OLFM1: variants seen among roughly 807,000 people sequenced by gnomAD.
OLFM1 encodes noelin.
Under a neutral mutation model 49.7 loss-of-function variants are expected in OLFM1, and 9 were observed. The observed-to-expected ratio is 0.18, with a 90% CI of 0.11 to 0.32. The LOEUF (loss-of-function observed/expected upper bound fraction) is 0.32. Ranked by LOEUF, OLFM1 falls within the 10% of genes least tolerant of loss-of-function variation. The probability of loss-of-function intolerance (pLI) is 1.00; values close to 1 mark genes in which losing one functional copy is unlikely to be tolerated. For synonymous variants in OLFM1, 240 were observed against 271.8 expected (o/e 0.88, Z 1.15); for missense variants, 369 against 661.8 (o/e 0.56, Z 4.85).
chr9:135,082,842 C>T (rs562943897), upstream of OLFM1, among the ~76,000 whole-genome samples: 13 of 152,248 alleles, frequency 8.5e-5, no homozygotes, highest in Non-Finnish European at 1.9e-4. Flanking sequence ...AGAACGTTTC[C>T]GAGGCCAAGT....
intron 2 of OLFM1, among the ~76,000 whole-genome samples, chr9:135,090,692 CA>C (rs1830673944): frequency 6.6e-6 from 1 of 152,088 alleles, no homozygotes. Context: ...AGACGGGACA[CA>C]AGGCTCGTCT....
Position 135,119,877 on chromosome 9 carries a change from C to T in OLFM1, c.1157C>T (p.Ser386Phe). Residue 386 changes from serine (S) to phenylalanine (F), a missense_variant, in exon 6 of 6, where the codon TCC (serine) becomes TTC (phenylalanine). Ser to Phe is a radical substitution (Grantham distance 155, BLOSUM62 -2). Around this residue, in one of 3 missense-constraint regions of OLFM1, gnomAD observed 294 missense variants for 567.5 expected, o/e 0.52. Transcript: ENST00000371793. Reference sequence around the variant, plus strand: ...GTGGTCAGTAGGCTGGACCCCGTGTCCCTGCAGACCCTGCAGACCTGGAAC... The same window carrying T: ...GTGGTCAGTAGGCTGGACCCCGTGTTCCTGCAGACCCTGCAGACCTGGAAC... ...NIVVSRLDPV[S>F]LQTLQTWNTS... 6.2e-7 allele frequency: 1 copy of T among 1,613,526 alleles called. No individual in the cohort carries two copies. The highest frequency in any genetic ancestry group is 8.5e-7 in the Non-Finnish European group (1 of 1,180,034).
intron 4 of OLFM1, among the ~76,000 whole-genome samples, chr9:135,101,850 G>T (rs866812777): frequency 6.6e-6 from 1 of 152,220 alleles, no homozygotes. Flanking sequence ...GGCCTCCGTG[G>T]TCCTCTCTAT....
At chr9:135,095,819 G>A in intron 2 of OLFM1, 45 bp from the exon 3 acceptor site, 1 of 1,603,144 alleles carries the variant, frequency 6.2e-7, no homozygotes, top group Non-Finnish European at 8.5e-7. Context: ...AGATTGCCTG[G>A]CACCTACTGC....
intron 2 of OLFM1, among the ~76,000 whole-genome samples, chr9:135,091,238 C>G (rs940746104): frequency 1.4e-4 from 21 of 152,224 alleles, no homozygotes; most frequent in Non-Finnish European, 2.9e-5. Context: ...CCAAGGACCC[C>G]GTATTCTGTG....
intron 4 of OLFM1, chr9:135,106,538 G>C (rs1830946032): frequency 1.7e-6 from 1 of 571,942 alleles, no homozygotes; most frequent in Non-Finnish European, 3.1e-6. Context: ...GGCCACAGCT[G>C]CTCTGTTTTG....
At chr9:135,103,638 C>T (rs61287342) in intron 4 of OLFM1, among the ~76,000 whole-genome samples, 2,031 of 152,292 alleles carry the variant, frequency 0.013, 38 homozygotes, top group African/African-American at 0.046. Flanking sequence ...GGGGCAGAGC[C>T]GCCCTCTGGA....
intron 4 of OLFM1, among the ~76,000 whole-genome samples, chr9:135,104,956 T>G (rs1830920745): frequency 1.3e-5 from 2 of 152,268 alleles, no homozygotes; most frequent in South Asian, 4.1e-4. Flanking sequence ...CACATCTTCT[T>G]ACTTCTCGTC....
At chr9:135,108,493 C>T (rs1038279142) in intron 5 of OLFM1, among the ~76,000 whole-genome samples, 2 of 151,944 alleles carry the variant, frequency 1.3e-5, no homozygotes, top group African/African-American at 2.4e-5. Context: ...ATTAGCCAGG[C>T]GTGGTGGCGT....
At position 135,098,230 on chromosome 9, in the gene OLFM1, A is replaced by G; in HGVS notation, c.457-56A>G. 2.5e-6 allele frequency: 4 copies of G among 1,585,206 alleles called. No homozygotes were observed. The African/African-American group carries it at 5.4e-5, about 21-fold the overall frequency. The stretch of plus-strand genomic sequence containing the variant: ...ACCTAGGGAGAAGCCAGGCCAAGGC[A>G]GGGTGTGAGAGTTCTTGCATGCATC... On this transcript the variant is annotated intron_variant, in intron 3 of 5. Transcript: ENST00000371793. The surrounding 1 kb of genome is among the most constrained non-coding windows in gnomAD (Gnocchi z 5.6).
upstream of OLFM1, among the ~76,000 whole-genome samples, chr9:135,082,758 C>T (rs1363829697): frequency 6.6e-6 from 1 of 152,096 alleles, no homozygotes; most frequent in Non-Finnish European, 1.5e-5. Flanking sequence ...GTGCTTTGTT[C>T]CATCAGCAAT....
In OLFM1 at chr9:135,088,891, G is replaced by C. The variant is rs1027772092; in HGVS notation, c.150+752G>C. 2.6e-5 allele frequency among the ~76,000 whole-genome samples: 4 copies of C among 152,220 alleles called. No homozygotes were observed. The highest frequency in any genetic ancestry group is 9.6e-5 in the African/African-American group (4 of 41,462). On this transcript the variant is annotated intron_variant, in intron 1 of 5. Coordinates refer to ENST00000371793, the MANE Select transcript of OLFM1 (RefSeq NM_001282611.2). The surrounding 1 kb of genome is among the most constrained non-coding windows in gnomAD (Gnocchi z 4.8). The stretch of plus-strand genomic sequence containing the variant: ...TCTCCCTCTCGAGCCTAGCGGGAGG[G>C]GAACCGTGGCCGGGGCTGCTTCTGG...
chr9:135,078,394 C>T (rs929633320), intron 1 of OLFM1, among the ~76,000 whole-genome samples: 1 of 152,184 alleles, frequency 6.6e-6, no homozygotes, highest in Non-Finnish European at 1.5e-5. Flanking sequence ...AGAAATGCTG[C>T]CTGGAGGATT....
intron 5 of OLFM1, among the ~76,000 whole-genome samples, chr9:135,114,063 AG>A (rs1054122320): frequency 6.7e-6 from 1 of 150,294 alleles, no homozygotes; most frequent in Non-Finnish European, 1.5e-5. Flanking sequence ...GTCTCTTATA[AG>A]GACACTTGTC....
At chr9:135,102,674 A>G (rs1038551274) in intron 4 of OLFM1, among the ~76,000 whole-genome samples, 1 of 152,104 alleles carries the variant, frequency 6.6e-6, no homozygotes, top group African/African-American at 2.4e-5. Context: ...AGCTTCTTTC[A>G]TCTGCATTTT....
chr9:135,075,915 T>G, intron 1 of OLFM1: 2 of 1,164,480 alleles, frequency 1.7e-6, no homozygotes, highest in East Asian at 7.2e-5. Flanking sequence ...GCCCCCGGCC[T>G]GGGCGCCCGA....
At chr9:135,103,604 C>T (rs1830899251) in intron 4 of OLFM1, among the ~76,000 whole-genome samples, 1 of 152,204 alleles carries the variant, frequency 6.6e-6, no homozygotes, top group Non-Finnish European at 1.5e-5. Context: ...AGAGGGAGCC[C>T]TTGGCCCACG....
intron 5 of OLFM1, among the ~76,000 whole-genome samples, chr9:135,109,484 G>A (rs2119133904): frequency 6.6e-6 from 1 of 152,204 alleles, no homozygotes; most frequent in South Asian, 2.1e-4. Context: ...CAAGGGGGTG[G>A]GGGAGATGGG....
chr9:135,091,753 A>G (rs368934828), intron 2 of OLFM1, among the ~76,000 whole-genome samples: 1 of 150,236 alleles, frequency 6.7e-6, no homozygotes, highest in Admixed American at 6.6e-5. Context: ...ACACATAGTC[A>G]CACACACTCA....
Sources: allele counts gnomAD v4.1 joint callset (sites outside exome capture counted in the v4.1 genomes callset), GRCh38; gene constraint gnomAD v4.1.1; regional missense constraint gnomAD v4.1.1; non-coding constraint Gnocchi (gnomAD v3.1); transcripts MANE v1.5; gene names NCBI Gene and HGNC (gene_info 2026-07-23, HGNC 2026-07-21).